The following NCKAP1 variants were observed in gnomAD, a reference collection of about 807,000 sequenced individuals.
The protein encoded by NCKAP1 is NCK associated protein 1.
Under a neutral mutation model 151.2 loss-of-function variants are expected in NCKAP1, and 21 were observed. That is an observed-to-expected ratio of 0.14 (90% CI 0.10 to 0.20). NCKAP1 has a LOEUF of 0.20. NCKAP1 is among the 10% of genes least tolerant of loss of function. NCKAP1 has a pLI of 1.00. For synonymous variants in NCKAP1, 484 were observed against 451.8 expected (o/e 1.07, Z -0.90); for missense variants, 933 against 1,352.1 (o/e 0.69, Z 4.86).
At chr2:182,968,896 T>C (rs1697629897) in intron 15 of NCKAP1, among the ~76,000 whole-genome samples, 1 of 152,210 alleles carries the variant, frequency 6.6e-6, no homozygotes, top group Non-Finnish European at 1.5e-5. Flanking sequence ...GATGTTACTA[T>C]TCAATGAGAC....
intron 6 of NCKAP1, among the ~76,000 whole-genome samples, chr2:182,999,296 G>GA (rs1199594306): frequency 5.3e-5 from 8 of 151,966 alleles, no homozygotes; most frequent in South Asian, 2.1e-4. Context: ...AAATCAACAA[G>GA]AAAAAATCAA....
At chr2:182,987,378 A>ACC (rs1279189299) in intron 9 of NCKAP1, among the ~76,000 whole-genome samples, 1 of 152,170 alleles carries the variant, frequency 6.6e-6, no homozygotes, top group East Asian at 1.9e-4. Context: ...TGTAATCATC[A>ACC]CCCTCTATAA....
At chr2:182,991,316 G>A (rs1348948424) in intron 8 of NCKAP1, among the ~76,000 whole-genome samples, 1 of 152,166 alleles carries the variant, frequency 6.6e-6, no homozygotes, top group Non-Finnish European at 1.5e-5. Flanking sequence ...CCAACACTAT[G>A]GGAGGCCAAG....
intron 29 of NCKAP1, 120 bp downstream of exon 29, chr2:182,927,997 G>T: frequency 1.7e-6 from 1 of 579,510 alleles, no homozygotes; most frequent in Non-Finnish European, 2.9e-6. Flanking sequence ...AAAACAAAAT[G>T]CCATTAGAGG....
intron 30 of NCKAP1, among the ~76,000 whole-genome samples, 187 bp from the exon 31 acceptor site, chr2:182,926,005 G>C (rs1477582856): frequency 6.6e-6 from 1 of 151,922 alleles, no homozygotes; most frequent in Non-Finnish European, 1.5e-5. Context: ...GTGCCACAGT[G>C]AATGTATATC....
At chr2:182,926,749 C>T (rs375410127) in intron 30 of NCKAP1, 67 bp downstream of exon 30, 11 of 1,095,084 alleles carry the variant, frequency 1.0e-5, no homozygotes, top group Middle Eastern at 5.1e-4. Context: ...GACTAAGATG[C>T]CAAGAAAAGA....
At chr2:182,984,190 A>G (rs1416593882) in intron 10 of NCKAP1, among the ~76,000 whole-genome samples, 2 of 152,174 alleles carry the variant, frequency 1.3e-5, no homozygotes, top group East Asian at 3.8e-4. Context: ...CACAAGAGCT[A>G]TAGTCAATAA....
intron 23 of NCKAP1, among the ~76,000 whole-genome samples, chr2:182,942,374 G>A (rs1409584429): frequency 6.6e-6 from 1 of 152,064 alleles, no homozygotes; most frequent in African/African-American, 2.4e-5. Flanking sequence ...ACAAATTCAA[G>A]AAGGAAGGAG....
rs947951721 is a variant in NCKAP1 at position 183,027,353 on chromosome 2, G to A, written c.109-3437C>T. On this transcript the variant is annotated intron_variant, in intron 1 of 30. Coordinates refer to ENST00000361354, the MANE Select transcript of NCKAP1 (RefSeq NM_013436.5). ...CAAAAAATGCCAATTAAAAATAAGA[G>A]GTTAATACATACAGAAGTACTAGGC... Among the ~76,000 whole-genome samples the A allele has an allele frequency of 5.3e-5, 8 of 152,040 alleles. No homozygotes were observed. In the East Asian group the frequency reaches 1.5e-3, roughly 29 times the overall value.
intron 18 of NCKAP1, among the ~76,000 whole-genome samples, chr2:182,960,385 T>G (rs1575031676): frequency 6.6e-6 from 1 of 152,100 alleles, no homozygotes; most frequent in African/African-American, 2.4e-5. Flanking sequence ...AAAACAGAGA[T>G]ATAGACCAAT....
intron 17 of NCKAP1, 28 bp from the exon 18 acceptor site, chr2:182,962,306 A>T: frequency 6.4e-7 from 1 of 1,561,158 alleles, no homozygotes; most frequent in East Asian, 2.3e-5. Context: ...TAATAATAAT[A>T]CAAGTTATAA....
rs528958185 is a variant in NCKAP1 at position 183,027,696 on chromosome 2, A to G, written c.109-3780T>C. 3.3e-4 allele frequency among the ~76,000 whole-genome samples: 51 copies of G among 152,242 alleles called. No homozygotes were observed. In the South Asian group the frequency reaches 5.4e-3, roughly 16 times the overall value. On this transcript the variant is annotated intron_variant, in intron 1 of 30. Coordinates refer to ENST00000361354, the MANE Select transcript of NCKAP1 (RefSeq NM_013436.5). ...ATAGCAAGATCCTATCTCTACAAAA[A>G]AATTTTTAAAAAAACTTTAAGGTTT...
chr2:183,016,077 T>C (rs1471698430), intron 2 of NCKAP1, among the ~76,000 whole-genome samples: 5 of 152,128 alleles, frequency 3.3e-5, no homozygotes, highest in African/African-American at 1.2e-4. Context: ...AGCATATTTG[T>C]TATAGTTCTA....
Position 182,946,112 on chromosome 2 carries a change from T to C in NCKAP1, c.2602-3949A>G, listed in dbSNP as rs12616266. On this transcript the variant is annotated intron_variant, in intron 23 of 30. Transcript: ENST00000361354. ...TTAAAAATGGGAGCTAAACATCAAG[T>C]ACACATAGATAGTGCAGTGGCTCAC... 8.9e-3 allele frequency among the ~76,000 whole-genome samples: 1,351 copies of C among 152,234 alleles called. 13 individuals carry two copies. Among genetic ancestry groups the C allele is most frequent in the African/African-American group, 0.018 (747 of 41,528 alleles).
chr2:182,927,156 C>A, intron 29 of NCKAP1: 2 of 334,216 alleles, frequency 6.0e-6, no homozygotes, highest in Non-Finnish European at 1.1e-5. Flanking sequence ...CTGATTTTTT[C>A]AGAACAAGTC....
At position 183,002,114 on chromosome 2, in the gene NCKAP1, A is replaced by G. The variant is rs147422771; in HGVS notation, c.512+13T>C. On this transcript the variant is annotated intron_variant, in intron 5 of 30. Transcript: ENST00000361354. ...CTGAGCATTTTAGAAAGACTTTTAT[A>G]ATGCAAATCTACCTTGCTCCATGAG... 7.5e-4 allele frequency: 1,215 copies of G among 1,612,500 alleles called. 8 individuals carry two copies. The African/African-American group carries it at 0.015, about 20-fold the overall frequency.
At chr2:183,031,119 CT>C (rs1436143166) in intron 1 of NCKAP1, among the ~76,000 whole-genome samples, 18 of 152,030 alleles carry the variant, frequency 1.2e-4, no homozygotes, top group Non-Finnish European at 2.4e-4. Flanking sequence ...TAATTGAGAT[CT>C]AAAAATATAG....
chr2:182,961,852 T>C (rs1453924661), intron 18 of NCKAP1, among the ~76,000 whole-genome samples: 4 of 151,994 alleles, frequency 2.6e-5, no homozygotes, highest in Non-Finnish European at 5.9e-5. Context: ...GGATTGAAAA[T>C]CACCAAATAT....
chr2:182,994,968 C>G, intron 7 of NCKAP1, 81 bp from the exon 8 acceptor site: 1 of 1,130,776 alleles, frequency 8.8e-7, no homozygotes, highest in Non-Finnish European at 1.3e-6. Flanking sequence ...CTCCCTTTCT[C>G]CTGATAACTT....
Sources: gnomAD v4.1 joint callset for allele counts (sites outside exome capture counted in the v4.1 genomes callset) on GRCh38, gnomAD v4.1.1 for gene constraint, MANE v1.5 for transcripts, NCBI Gene and HGNC (gene_info 2026-07-23, HGNC 2026-07-21) for gene names.